RBM5: variants seen among roughly 807,000 people sequenced by gnomAD.
RBM5 encodes the protein RNA-binding protein 5.
RBM5 carries 15 observed loss-of-function variants against 124.6 expected under a neutral mutation model. The observed-to-expected ratio is 0.12, with a 90% CI of 0.08 to 0.19. The LOEUF (loss-of-function observed/expected upper bound fraction) is 0.19. Among genes scored for constraint, RBM5 ranks in the 10% least tolerant of loss-of-function variants. The pLI is 1.00. For synonymous variants in RBM5, 337 were observed against 361.2 expected, an observed-to-expected ratio of 0.93 and a Z score of 0.76; for missense variants, 580 against 1,026.5, an observed-to-expected ratio of 0.57 and a Z score of 5.94.
intron 21 of RBM5, 63 bp from the exon 22 acceptor site, chr3:50,115,843 G>A (rs369147980): frequency 5.5e-6 from 8 of 1,450,536 alleles, no homozygotes; most frequent in Non-Finnish European, 7.7e-6. Flanking sequence ...TGTTACTAAT[G>A]TTAGGACATT....
intron 22 of RBM5, chr3:50,116,610 C>G (rs2091257247): frequency 5.2e-6 from 1 of 193,242 alleles, no homozygotes; most frequent in African/African-American, 2.4e-5. Context: ...TTTCTTCTCC[C>G]CACACCCTTC....
rs1366835214 is a variant in RBM5, at chr3:50,114,018, T to C, written c.1686T>C (p.Phe562=). Reference sequence around the variant, plus strand: ...AGAAAGAAAACTTTAAAAATAGCTTTCAGCCTGTCAATTCCTTGAGGGAAG... The same window carrying C: ...AGAAAGAAAACTTTAAAAATAGCTTCCAGCCTGTCAATTCCTTGAGGGAAG... ...NKQKENFKNS[F]QPVNSLREEE... Residue 562 remains phenylalanine, a synonymous_variant, in exon 19 of 25, where the codon TTT becomes TTC. Transcript: ENST00000347869. 4 of 1,614,094 alleles carry C rather than the reference T, an allele frequency of 2.5e-6. No homozygotes were observed. Among genetic ancestry groups the C allele is most frequent in the Middle Eastern group, 1.6e-4 (1 of 6,084 alleles).
In RBM5 at chr3:50,093,610, G is replaced by A. The variant is rs910846215; in HGVS notation, c.184-110G>A. The A allele has an allele frequency of 3.3e-6, 4 of 1,214,634 alleles. No homozygotes were observed. In the East Asian group the frequency reaches 9.5e-5, roughly 29 times the overall value. The allele number at this position is 1,214,634 out of a possible 1,614,324, so 75.2% of individuals were successfully genotyped here. ...ATTGCAGTGAACATTACCATGGAGT[G>A]CTTGTGTAATCTCTGTACACTTCCT... On this transcript the variant is annotated intron_variant, in intron 3 of 24. Transcript: ENST00000347869.
chr3:50,100,441 C>T lies in RBM5; in HGVS notation c.410-91C>T, dbSNP rs533946954. On this transcript the variant is annotated intron_variant, in intron 5 of 24. Transcript: ENST00000347869. The surrounding 1 kb of genome is among the most constrained non-coding windows in gnomAD (Gnocchi z 5.1). Reference sequence around the variant, plus strand: ...AGCTGCTTCCCAATTGGCTTTGTCACGCAGTGTTGAAGCAGTGGGAGAGAG... The same window carrying T: ...AGCTGCTTCCCAATTGGCTTTGTCATGCAGTGTTGAAGCAGTGGGAGAGAG... The T allele has an allele frequency of 2.3e-5, 25 of 1,090,598 alleles. No individual in the cohort carries two copies. Among genetic ancestry groups the T allele is most frequent in the Non-Finnish European group, 3.2e-5 (23 of 725,982 alleles). 67.6% of individuals were successfully genotyped at this position (1,090,598 alleles called of 1,614,324 possible).
chr3:50,109,828 A>G (rs1448308746), intron 15 of RBM5, 140 bp downstream of exon 15: 1 of 614,286 alleles, frequency 1.6e-6, no homozygotes, highest in Non-Finnish European at 2.8e-6. Context: ...TTGTTTTAAA[A>G]TATTAATTTT....
chr3:50,101,908 C>G (rs969961286), intron 6 of RBM5: 1 of 152,222 alleles, frequency 6.6e-6, no homozygotes, highest in Non-Finnish European at 1.5e-5. Flanking sequence ...TCACATATCT[C>G]CCAGCTTTTT....
Position 50,115,445 on chromosome 3 carries a change from T to C in RBM5, c.1857T>C (p.Ala619=). 6.2e-7 allele frequency: 1 copy of C among 1,614,010 alleles called. No homozygotes were observed. Among genetic ancestry groups the C allele is most frequent in the Non-Finnish European group, 8.5e-7 (1 of 1,179,982 alleles). ...ENPLKRGLVA[A]YSGDSDNEEE... is the part of the protein sequence containing the mutation. ...GTCTCCAGAGGGGTCTGGTTGCTGC[T>C]TACAGTGGTGACAGTGACAATGAGG... The change falls in exon 21 of 25, where the codon GCT becomes GCC. Residue 619 remains alanine (A), a synonymous_variant. Transcript: ENST00000347869.
Position 50,117,939 on chromosome 3 carries a change from C to G in RBM5, c.2323-392C>G. ...TTGCCCCTGCTCTGTCCTGGGAGCA[C>G]AGCTTAGGTCAGACTCTTGTAGACC... On this transcript the variant is annotated intron_variant, in intron 24 of 24. Coordinates refer to ENST00000347869, the MANE Select transcript of RBM5 (RefSeq NM_005778.4). This position sits in a 1 kb window ranked among gnomAD's most constrained non-coding sequence, Gnocchi z 4.2. The G allele has an allele frequency of 4.7e-6, 1 of 211,278 alleles. No individual in the cohort carries two copies. Among genetic ancestry groups the G allele is most frequent in the African/African-American group, 2.3e-5 (1 of 43,466 alleles). 13.1% of individuals were successfully genotyped at this position (211,278 alleles called of 1,614,324 possible).
At chr3:50,091,865 A>G in intron 2 of RBM5, 178 bp from the exon 3 acceptor site, 2 of 680,722 alleles carry the variant, frequency 2.9e-6, no homozygotes, top group Non-Finnish European at 5.3e-6. Flanking sequence ...ACATTTAGGG[A>G]TGTAGGTATT....
In RBM5 at chr3:50,117,514, C is replaced by G. The variant is rs555395501; in HGVS notation, c.2322+135C>G. 3.3e-5 allele frequency: 41 copies of G among 1,258,798 alleles called. No individual in the cohort carries two copies. The Middle Eastern group carries it at 1.4e-3, about 44-fold the overall frequency. The allele number at this position is 1,258,798 out of a possible 1,614,324, so 78.0% of individuals were successfully genotyped here. ...TGAAGGGGCAGATTACAGGCATGAG[C>G]TCACACCTGTAATCCCAGCACTTTG... On this transcript the variant is annotated intron_variant, in intron 24 of 24. Coordinates refer to ENST00000347869, the MANE Select transcript of RBM5 (RefSeq NM_005778.4). This position sits in a 1 kb window ranked among gnomAD's most constrained non-coding sequence, Gnocchi z 4.2.
At chr3:50,090,084 G>C in intron 1 of RBM5, 1 of 212,648 alleles carries the variant, frequency 4.7e-6, no homozygotes, top group Non-Finnish European at 9.7e-6. Flanking sequence ...TTTTTGCTTT[G>C]TAATTCTAAG....
In RBM5 at chr3:50,105,831, A is replaced by C. The variant is rs955061708; in HGVS notation, c.855+122A>C. The C allele has an allele frequency of 1.0e-5, 11 of 1,067,760 alleles. No individual in the cohort carries two copies. The East Asian group carries it at 2.9e-4, about 28-fold the overall frequency. 66.1% of individuals were successfully genotyped at this position (1,067,760 alleles called of 1,614,324 possible). A position where few individuals can be genotyped will look rare whatever the true frequency, so the allele number is the denominator to read the frequency against. On this transcript the variant is annotated intron_variant, in intron 10 of 24. Transcript: ENST00000347869. ...CCAAGATGCAAGGCTCCCTAATGAC[A>C]GTTTTTGCACTGCTAAATTACAGGA... is the stretch of plus-strand genomic sequence containing the variant.
At chr3:50,094,539 T>C (rs535084146) in intron 4 of RBM5, among the ~76,000 whole-genome samples, 1 of 152,138 alleles carries the variant, frequency 6.6e-6, no homozygotes, top group Non-Finnish European at 1.5e-5. Flanking sequence ...TGTCACCCAG[T>C]CTGGAGTATA....
intron 18 of RBM5, 34 bp downstream of exon 18, chr3:50,113,578 T>G: frequency 3.2e-6 from 5 of 1,580,868 alleles, no homozygotes; most frequent in Non-Finnish European, 4.3e-6. Context: ...TTCATTGAGG[T>G]ATTGGGCTGA....
chr3:50,109,931 G>T, intron 15 of RBM5: 1 of 380,248 alleles, frequency 2.6e-6, no homozygotes, highest in Non-Finnish European at 4.7e-6. Flanking sequence ...TTGTCGCCGG[G>T]GCCGGGTGTG....
intron 21 of RBM5, 29 bp downstream of exon 21, chr3:50,115,636 G>A (rs2091233345): frequency 6.3e-7 from 1 of 1,578,752 alleles, no homozygotes; most frequent in Admixed American, 2.0e-5. Context: ...TGATCTGAGG[G>A]GGCGAGGGGA....
In RBM5 at chr3:50,097,905, A is replaced by G. The variant is rs558559206; in HGVS notation, c.340-2077A>G. ...TACCTGAGCCCAAGAGATGGAGACC[A>G]GCCTGGGCAACATGGTGAAACCCCT... On this transcript the variant is annotated intron_variant, in intron 4 of 24. Transcript: ENST00000347869. Among the ~76,000 whole-genome samples, 4 of 152,354 alleles carry G rather than the reference A, an allele frequency of 2.6e-5. No homozygotes were observed. The East Asian group carries it at 5.8e-4, about 22-fold the overall frequency.
chr3:50,117,198 C>G lies in RBM5; in HGVS notation c.2192+27C>G. On this transcript the variant is annotated intron_variant, in intron 23 of 24. Coordinates refer to ENST00000347869, the MANE Select transcript of RBM5 (RefSeq NM_005778.4). The surrounding 1 kb of genome is among the most constrained non-coding windows in gnomAD (Gnocchi z 4.2). ...TATGTGATGTGCACATTTTCCAGTTCGTAAGCTGGGGCCCTGGCTGTTTTA... is the reference window on the plus strand; with the variant it reads ...TATGTGATGTGCACATTTTCCAGTTGGTAAGCTGGGGCCCTGGCTGTTTTA... 6.2e-7 allele frequency: 1 copy of G among 1,614,174 alleles called. No homozygotes were observed.
rs537459878 is a variant in RBM5 at position 50,091,623 on chromosome 3, T to C, written c.18-420T>C. Among the ~76,000 whole-genome samples the C allele has an allele frequency of 2.6e-5, 4 of 152,096 alleles. No individual in the cohort carries two copies. The South Asian group carries it at 6.2e-4, about 24-fold the overall frequency. ...CCAGTAGGCATGATACCCTTGAGAG[T>C]AGATGAGCCAGGGATGTACTTAATT... On this transcript the variant is annotated intron_variant, in intron 2 of 24. Coordinates refer to ENST00000347869, the MANE Select transcript of RBM5 (RefSeq NM_005778.4).
Sources: gnomAD v4.1 joint callset for allele counts (sites outside exome capture counted in the v4.1 genomes callset) on GRCh38, gnomAD v4.1.1 for gene constraint, Gnocchi (gnomAD v3.1) non-coding constraint, MANE v1.5 for transcripts, NCBI Gene and HGNC (gene_info 2026-07-23, HGNC 2026-07-21) for gene names.